Variants in ATRN observed in about 807,000 individuals in gnomAD.
ATRN encodes attractin-2.
A neutral mutation model predicts 178.7 loss-of-function variants in ATRN; 54 were observed. The ratio of observed to expected loss-of-function variants is 0.30; its 90% CI spans 0.24 to 0.38. The LOEUF (loss-of-function observed/expected upper bound fraction) is 0.38. Ranked by LOEUF, ATRN falls within the 10% of genes least tolerant of loss-of-function variation. The probability of loss-of-function intolerance (pLI) is 1.00; values close to 1 mark genes in which losing one functional copy is unlikely to be tolerated. For missense variants in ATRN, 1,443 were observed against 1,815.1 expected (o/e 0.79, Z 3.73); for synonymous variants, 636 against 663.0 (o/e 0.96, Z 0.63).
At chr20:3,567,690 A>C (rs1336053325) in intron 11 of ATRN, among the ~76,000 whole-genome samples, 1 of 152,204 alleles carries the variant, frequency 6.6e-6, no homozygotes, top group Non-Finnish European at 1.5e-5. Context: ...GATCAACAGC[A>C]TTGGGTGAGC....
intron 1 of ATRN, among the ~76,000 whole-genome samples, chr20:3,498,776 T>A (rs73608167): frequency 0.24 from 33,456 of 141,128 alleles, 4,527 homozygotes; most frequent in African/African-American, 0.29. Flanking sequence ...CTGGCACAAG[T>A]CAGGGATGCC....
At chr20:3,494,190 A>G (rs1416058953) in intron 1 of ATRN, among the ~76,000 whole-genome samples, 6 of 152,216 alleles carry the variant, frequency 3.9e-5, no homozygotes, top group Non-Finnish European at 1.5e-5. Flanking sequence ...CAGAGAAGTC[A>G]GGCTGTGCTG....
chr20:3,485,610 G>GTTTTTTTTTTTTTTTTTTTTTT lies in ATRN; in HGVS notation c.410+14101_410+14122dup, dbSNP rs3084238. Among the ~76,000 whole-genome samples, 17 of 67,916 alleles carry GTTTTTTTTTTTTTTTTTTTTTT rather than the reference G, an allele frequency of 2.5e-4. 3 individuals carry two copies. The highest frequency in any genetic ancestry group is 3.3e-4 in the African/African-American group (6 of 18,134). The allele number at this position is 67,916 out of a possible 152,430, so 44.6% of individuals were successfully genotyped here. A position where few individuals can be genotyped will look rare whatever the true frequency, so the allele number is the denominator to read the frequency against. On this transcript the variant is annotated intron_variant, in intron 1 of 28. Transcript: ENST00000262919. ...TGGTTTGCCAATACATTTTTTTGAGGTTTTTTTTTTTTTTTTTTTTTTTTT... is the reference window on the plus strand; with the variant it reads ...TGGTTTGCCAATACATTTTTTTGAGGTTTTTTTTTTTTTTTTTTTTTTTTTTTTTTTTTTTTTTTTTTTTTTT...
At chr20:3,511,073 GTAT>G (rs936306759) in intron 1 of ATRN, among the ~76,000 whole-genome samples, 1 of 152,122 alleles carries the variant, frequency 6.6e-6, no homozygotes, top group African/African-American at 2.4e-5. Context: ...GGCGATGAAA[GTAT>G]TATCTGTCAA....
intron 11 of ATRN, among the ~76,000 whole-genome samples, chr20:3,571,873 A>C (rs2086130679): frequency 6.6e-6 from 1 of 151,484 alleles, no homozygotes; most frequent in Non-Finnish European, 1.5e-5. Context: ...TACCTTCTGG[A>C]TTTTAAGTCA....
intron 15 of ATRN, among the ~76,000 whole-genome samples, chr20:3,580,590 G>T (rs1312149883): frequency 6.6e-6 from 1 of 152,192 alleles, no homozygotes; most frequent in African/African-American, 2.4e-5. Flanking sequence ...ACCCCTGCAG[G>T]TGAGAAGGAG....
intron 25 of ATRN, among the ~76,000 whole-genome samples, chr20:3,628,067 G>T (rs535588391): frequency 4.0e-4 from 61 of 152,146 alleles, no homozygotes; most frequent in Non-Finnish European, 6.0e-4. Flanking sequence ...AGCTACTCGG[G>T]AGGCTGAGAC....
In ATRN at chr20:3,471,639, A is replaced by G. The variant is rs376045954; in HGVS notation, c.410+122A>G. On this transcript the variant is annotated intron_variant, in intron 1 of 28. Coordinates refer to ENST00000262919, the MANE Select transcript of ATRN (RefSeq NM_139321.3). Reference sequence around the variant, plus strand: ...AAAGTGGAGAGGGTAGGGCCGCCCTATGGGGTTTGAGGGCCATTTGCTTCC... The same window carrying G: ...AAAGTGGAGAGGGTAGGGCCGCCCTGTGGGGTTTGAGGGCCATTTGCTTCC... The G allele has an allele frequency of 9.2e-5, 116 of 1,263,450 alleles. 1 individual carries two copies. In the Middle Eastern group the frequency reaches 2.0e-3, roughly 22 times the overall value. The allele number at this position is 1,263,450 out of a possible 1,614,324, so 78.3% of individuals were successfully genotyped here.
chr20:3,598,529 A>G (rs2086563385), intron 22 of ATRN, among the ~76,000 whole-genome samples: 1 of 152,260 alleles, frequency 6.6e-6, no homozygotes, highest in African/African-American at 2.4e-5. Context: ...AGTCGGGTCC[A>G]TTAAGAAGTT....
intron 1 of ATRN, among the ~76,000 whole-genome samples, chr20:3,482,564 G>A (rs1346283199): frequency 6.6e-6 from 1 of 152,176 alleles, no homozygotes; most frequent in Non-Finnish European, 1.5e-5. Context: ...TTGTCACTCA[G>A]TTTTCCCTTT....
intron 25 of ATRN, among the ~76,000 whole-genome samples, chr20:3,628,732 A>T (rs1044715426): frequency 1.3e-5 from 2 of 151,948 alleles, no homozygotes; most frequent in African/African-American, 4.8e-5. Context: ...TCCAAAGGAT[A>T]CTTTTTGGTT....
chr20:3,516,390 C>A (rs547618362), intron 1 of ATRN, among the ~76,000 whole-genome samples: 3 of 152,022 alleles, frequency 2.0e-5, no homozygotes, highest in Non-Finnish European at 4.4e-5. Flanking sequence ...TGCAGCTTAC[C>A]AAGGTGCCAT....
intron 1 of ATRN, among the ~76,000 whole-genome samples, chr20:3,510,846 T>G (rs1237113225): frequency 6.6e-6 from 1 of 152,216 alleles, no homozygotes; most frequent in Non-Finnish European, 1.5e-5. Flanking sequence ...CATATGCTGC[T>G]GCTCATCAGA....
chr20:3,641,735 C>T (rs1251320918), intron 27 of ATRN, among the ~76,000 whole-genome samples: 1 of 151,440 alleles, frequency 6.6e-6, no homozygotes, highest in Non-Finnish European at 1.5e-5. Flanking sequence ...ATAGTGTGCC[C>T]AGTAAGCACC....
At chr20:3,516,070 T>C (rs2085202529) in intron 1 of ATRN, among the ~76,000 whole-genome samples, 1 of 152,176 alleles carries the variant, frequency 6.6e-6, no homozygotes, top group African/African-American at 2.4e-5. Flanking sequence ...TGTTGTGAAG[T>C]TTACATTGCA....
rs913095489 is a variant in ATRN, at chr20:3,577,058, A to G, written c.2353+61A>G. ...CCATTACTTCAGCCTGCTTCCCCCA[A>G]CACTGTGCAGCCTAAGTTGAACCTA... On this transcript the variant is annotated intron_variant, in intron 14 of 28. Transcript: ENST00000262919. 21 of 1,586,600 alleles carry G rather than the reference A, an allele frequency of 1.3e-5. 1 individual carries two copies. The highest frequency in any genetic ancestry group is 3.5e-4 in the Middle Eastern group (2 of 5,772).
At chr20:3,560,060 C>T (rs1307724052) in intron 7 of ATRN, among the ~76,000 whole-genome samples, 3 of 151,914 alleles carry the variant, frequency 2.0e-5, no homozygotes, top group African/African-American at 4.8e-5. Context: ...GTAAAATATA[C>T]GTATATAATG....
Position 3,646,742 on chromosome 20 carries a change from C to T in ATRN, c.4185C>T (p.Ala1395=). The change falls in exon 29 of 29, where the codon GCC becomes GCT. Residue 1395 remains alanine, a synonymous_variant. Coordinates refer to ENST00000262919, the MANE Select transcript of ATRN (RefSeq NM_139321.3). Reference sequence around the variant, plus strand: ...CCCAAGGTCTTGCTGTGGCCAGCGCCCTGGTGGACATTTCTCAGCAGATGC... The same window carrying T: ...CCCAAGGTCTTGCTGTGGCCAGCGCTCTGGTGGACATTTCTCAGCAGATGC... ...PGQSGLAVAS[A]LVDISQQMPI... is the part of the protein sequence containing the mutation. The T allele has an allele frequency of 6.2e-7, 1 of 1,604,492 alleles. No homozygotes were observed. The highest frequency in any genetic ancestry group is 8.5e-7 in the Non-Finnish European group (1 of 1,175,282).
At chr20:3,600,541 T>G (rs1055075576) in intron 22 of ATRN, among the ~76,000 whole-genome samples, 1 of 152,138 alleles carries the variant, frequency 6.6e-6, no homozygotes, top group African/African-American at 2.4e-5. Context: ...AAATATAATT[T>G]TGGGCACTTG....
Sources: allele counts gnomAD v4.1 joint callset (sites outside exome capture counted in the v4.1 genomes callset), GRCh38; gene constraint gnomAD v4.1.1; transcripts MANE v1.5; gene names NCBI Gene and HGNC (gene_info 2026-07-23, HGNC 2026-07-21).